The following GALNT13 variants were observed in gnomAD, a reference collection of about 807,000 sequenced individuals.
GALNT13 encodes the protein UDP-GalNAc:polypeptide N-acetylgalactosaminyltransferase 13.
A neutral mutation model predicts 64.2 loss-of-function variants in GALNT13; 28 were observed. The observed-to-expected ratio is 0.44, with a 90% CI of 0.32 to 0.60. GALNT13 has a LOEUF of 0.60. Ranked by LOEUF, GALNT13 falls within the 20% of genes least tolerant of loss-of-function variation. GALNT13 has a pLI of 0.05. For synonymous variants in GALNT13, 214 were observed against 224.6 expected, an observed-to-expected ratio of 0.95 and a Z score of 0.42; for missense variants, 577 against 669.8, an observed-to-expected ratio of 0.86 and a Z score of 1.53.
the GALNT13 span, among the ~76,000 whole-genome samples, chr2:153,819,499 G>T: frequency 6.6e-6 from 1 of 152,166 alleles, no homozygotes; most frequent in Non-Finnish European, 1.5e-5. Context: ...AGCCACCCTT[G>T]TCAGGGCTGG....
At chr2:153,250,915 T>C in the GALNT13 span, among the ~76,000 whole-genome samples, 3 of 151,982 alleles carry the variant, frequency 2.0e-5, no homozygotes, top group Non-Finnish European at 2.9e-5. Context: ...ATAGGACAAA[T>C]ACCTAATGCA....
chr2:154,208,003 T>C (rs972789429), intron 4 of GALNT13, among the ~76,000 whole-genome samples: 5 of 152,174 alleles, frequency 3.3e-5, no homozygotes, highest in African/African-American at 1.2e-4. Context: ...AATTTGGCTC[T>C]TTTCTATTTC....
intron 8 of GALNT13, among the ~76,000 whole-genome samples, chr2:154,281,679 T>C (rs187133622): frequency 5.9e-4 from 90 of 152,236 alleles, no homozygotes; most frequent in Admixed American, 2.7e-3. Context: ...CTGTGATCAA[T>C]ACCACTTCAC....
the GALNT13 span, among the ~76,000 whole-genome samples, chr2:153,479,587 T>C: frequency 1.3e-5 from 2 of 152,196 alleles, no homozygotes; most frequent in Admixed American, 1.3e-4. Flanking sequence ...CACTTGCTTG[T>C]AATTTTAATT....
At chr2:153,769,284 A>C in the GALNT13 span, among the ~76,000 whole-genome samples, 1 of 152,234 alleles carries the variant, frequency 6.6e-6, no homozygotes, top group East Asian at 1.9e-4. Context: ...AGTAGTGACA[A>C]ATTCCCTCAG....
the GALNT13 span, among the ~76,000 whole-genome samples, chr2:153,335,510 G>A: frequency 6.6e-6 from 1 of 152,182 alleles, no homozygotes; most frequent in Non-Finnish European, 1.5e-5. Flanking sequence ...CAAAGAGACT[G>A]GCGGCATTTT....
chr2:153,196,546 G>A, the GALNT13 span, among the ~76,000 whole-genome samples: 9 of 152,182 alleles, frequency 5.9e-5, no homozygotes, highest in African/African-American at 9.6e-5. Flanking sequence ...CTGGGCCCCC[G>A]AGAGTGCAGA....
intron 3 of GALNT13, among the ~76,000 whole-genome samples, chr2:154,096,105 T>G (rs1049724902): frequency 6.6e-6 from 1 of 152,036 alleles, no homozygotes; most frequent in Non-Finnish European, 1.5e-5. Flanking sequence ...ATATATCACT[T>G]TTAGTATGAT....
the GALNT13 span, among the ~76,000 whole-genome samples, chr2:153,560,632 T>A: frequency 6.6e-6 from 1 of 152,104 alleles, no homozygotes. Context: ...CATGACTAAA[T>A]TCTATACATA....
the GALNT13 span, among the ~76,000 whole-genome samples, chr2:153,673,985 A>C: frequency 6.6e-6 from 1 of 152,204 alleles, no homozygotes; most frequent in African/African-American, 2.4e-5. Context: ...CTAGGAATCC[A>C]ACTTACAAGG....
intron 3 of GALNT13, among the ~76,000 whole-genome samples, chr2:154,059,184 G>A (rs1336984665): frequency 2.0e-5 from 3 of 152,148 alleles, no homozygotes; most frequent in African/African-American, 4.8e-5. Flanking sequence ...ATTTGTCTCC[G>A]TTCGCCTAAC....
chr2:153,684,071 T>TA, the GALNT13 span, among the ~76,000 whole-genome samples: 2 of 17,632 alleles, frequency 1.1e-4, no homozygotes, highest in African/African-American at 3.2e-4. Flanking sequence ...TTCATAATAA[T>TA]ATATATATAT....
At chr2:153,256,864 A>T in the GALNT13 span, among the ~76,000 whole-genome samples, 1 of 152,218 alleles carries the variant, frequency 6.6e-6, no homozygotes, top group Non-Finnish European at 1.5e-5. Flanking sequence ...AAGCTGTCAG[A>T]CAGGGACATT....
At chr2:153,620,478 G>C in the GALNT13 span, among the ~76,000 whole-genome samples, 1 of 151,690 alleles carries the variant, frequency 6.6e-6, no homozygotes, top group African/African-American at 2.4e-5. Flanking sequence ...TCCTCTGACT[G>C]TCTATTTTGA....
intron 1 of GALNT13, among the ~76,000 whole-genome samples, chr2:153,891,795 A>G (rs919356728): frequency 3.3e-5 from 5 of 152,012 alleles, no homozygotes; most frequent in African/African-American, 1.2e-4. Context: ...ATTCTTTAGC[A>G]TATCATTCAA....
At chr2:154,123,561 G>T (rs957755326) in intron 3 of GALNT13, among the ~76,000 whole-genome samples, 1 of 151,918 alleles carries the variant, frequency 6.6e-6, no homozygotes, top group African/African-American at 2.4e-5. Context: ...GCTAAAATTA[G>T]AATGAATGAT....
At chr2:153,890,344 C>T (rs1287919722) in intron 1 of GALNT13, among the ~76,000 whole-genome samples, 1 of 151,902 alleles carries the variant, frequency 6.6e-6, no homozygotes, top group African/African-American at 2.4e-5. Context: ...ATTCACTTAT[C>T]ACTGTGCAGG....
intron 3 of GALNT13, among the ~76,000 whole-genome samples, chr2:153,956,737 A>G (rs1023688666): frequency 2.6e-5 from 4 of 152,236 alleles, no homozygotes; most frequent in African/African-American, 9.6e-5. Context: ...CCCAATAAAG[A>G]ATACATTTCT....
At chr2:153,432,407 A>T in the GALNT13 span, among the ~76,000 whole-genome samples, 1 of 152,316 alleles carries the variant, frequency 6.6e-6, no homozygotes, top group East Asian at 1.9e-4. Context: ...GAAGGGGTTT[A>T]ATTAACTTTC....
Sources: allele counts gnomAD v4.1 joint callset (sites outside exome capture counted in the v4.1 genomes callset), GRCh38; gene constraint gnomAD v4.1.1; transcripts MANE v1.5; gene names NCBI Gene and HGNC (gene_info 2026-07-23, HGNC 2026-07-21).